Variants in HELQ observed in about 807,000 individuals in gnomAD.
The protein encoded by HELQ is helicase POLQ-like.
In HELQ, 77 loss-of-function variants were observed where a neutral mutation model predicts 111.6. The observed-to-expected ratio is 0.69, with a 90% CI of 0.57 to 0.83. HELQ has a LOEUF of 0.83. Among genes scored for constraint, HELQ ranks in the 40% least tolerant of loss-of-function variants. The pLI, the probability that HELQ is intolerant of heterozygous loss-of-function variation, is 0.00. For synonymous variants in HELQ, 438 were observed against 454.7 expected, an observed-to-expected ratio of 0.96 and a Z score of 0.47; for missense variants, 1,200 against 1,288.5, an observed-to-expected ratio of 0.93 and a Z score of 1.05.
Position 83,429,629 on chromosome 4 carries a change from A to T in HELQ, c.2413T>A (p.Tyr805Asn), listed in dbSNP as rs998191467. The T allele has an allele frequency of 1.2e-6, 2 of 1,612,458 alleles. No homozygotes were observed. Among genetic ancestry groups the T allele is most frequent in the African/African-American group, 2.7e-5 (2 of 74,890 alleles). ...TGTAGGAGTCCTTTTTCTGTCAGGT[A>T]TCTAAGTGATTCAACAGTTATTTCC... is the stretch of plus-strand genomic sequence containing the variant. ...LWEITVESLR[Y>N]LTEKGLLQKD... The change falls in exon 12 of 18, where the codon TAC becomes AAC. Residue 805 changes from tyrosine to asparagine, a missense_variant. Transcript: ENST00000295488.
At chr4:83,422,721 AG>A (rs1719606119) in intron 14 of HELQ, among the ~76,000 whole-genome samples, 1 of 152,186 alleles carries the variant, frequency 6.6e-6, no homozygotes, top group East Asian at 1.9e-4. Flanking sequence ...TGTTGTTTTA[AG>A]CCACCCATTT....
Position 83,448,912 on chromosome 4 carries a change from AT to A in HELQ, c.1061del (p.Asn354IlefsTer2). On this transcript the variant is annotated frameshift_variant, in exon 3 of 18. Transcript: ENST00000295488. LOFTEE classifies it high-confidence loss of function. ...CACTTGTTGGCAAGGAATATATTAA[AT>A]TTTTTCTTTCTTGCACAGAATTCAA... ...LTLNSVQERK[N>X]LIYSLPTSGG... is the part of the protein sequence containing the mutation. The A allele has an allele frequency of 6.2e-7, 1 of 1,612,094 alleles. No homozygotes were observed. The highest frequency in any genetic ancestry group is 8.5e-7 in the Non-Finnish European group (1 of 1,178,632).
intron 8 of HELQ, among the ~76,000 whole-genome samples, chr4:83,438,748 GAAAAAAA>G (rs200715200): frequency 1.9e-5 from 2 of 104,284 alleles, no homozygotes; most frequent in African/African-American, 9.2e-5. Context: ...CCTGTCTCAG[GAAAAAAA>G]AAAAAAAAAA....
intron 6 of HELQ, among the ~76,000 whole-genome samples, chr4:83,442,982 C>T (rs982076595): frequency 4.6e-5 from 7 of 152,156 alleles, no homozygotes; most frequent in African/African-American, 1.7e-4. Context: ...ATATACATTA[C>T]AAGCTATTTT....
At chr4:83,430,282 A>C (rs1050016272) in intron 11 of HELQ, among the ~76,000 whole-genome samples, 2 of 149,760 alleles carry the variant, frequency 1.3e-5, no homozygotes, top group Admixed American at 6.8e-5. Context: ...AATAAAAAAA[A>C]AACAAAAAAC....
chr4:83,436,747 G>A, intron 9 of HELQ, 111 bp downstream of exon 9: 1 of 1,146,386 alleles, frequency 8.7e-7, no homozygotes, highest in South Asian at 1.6e-5. Context: ...TATGCTAAAA[G>A]AACATTTGAT....
At chr4:83,412,809 G>A (rs1560538335) in intron 17 of HELQ, among the ~76,000 whole-genome samples, 1 of 152,158 alleles carries the variant, frequency 6.6e-6, no homozygotes, top group African/African-American at 2.4e-5. Context: ...GGGCAACAGA[G>A]CAAGACCCTG....
At chr4:83,453,209 T>G (rs1003854638) in intron 2 of HELQ, 22 bp downstream of exon 2, 6 of 1,521,062 alleles carry the variant, frequency 3.9e-6, no homozygotes, top group Non-Finnish European at 5.4e-6. Flanking sequence ...AAAAATTTTT[T>G]TATTCCAGCA....
At position 83,436,855 on chromosome 4, in the gene HELQ, T is replaced by C. The variant is rs367794092; in HGVS notation, c.2048+3A>G. The C allele has an allele frequency of 6.1e-5, 99 of 1,611,228 alleles. 1 individual carries two copies. The highest frequency in any genetic ancestry group is 2.4e-4 in the South Asian group (22 of 90,602). On this transcript the variant is annotated splice_donor_region_variant and intron_variant, in intron 9 of 17. Coordinates refer to ENST00000295488, the MANE Select transcript of HELQ (RefSeq NM_133636.5). ...GCCTGGTCAACACTTACTTATCTCT[T>C]ACCTTCGAGCTGGTAGGTTGACACC... is the stretch of plus-strand genomic sequence containing the variant.
intron 2 of HELQ, among the ~76,000 whole-genome samples, chr4:83,450,891 G>A (rs1435256322): frequency 2.6e-5 from 4 of 152,160 alleles, no homozygotes; most frequent in African/African-American, 9.7e-5. Context: ...GCTTGAGCCT[G>A]GGAGGTTGAC....
In HELQ at chr4:83,442,471, C is replaced by T. The variant is rs553468433; in HGVS notation, c.1563+1046G>A. Among the ~76,000 whole-genome samples the T allele has an allele frequency of 9.9e-5, 15 of 151,560 alleles. No homozygotes were observed. The South Asian group carries it at 1.5e-3, about 15-fold the overall frequency. ...CTCTTGCAAGGCTGGAGTGCAGTGG[C>T]GCAATCTCGGCTTGCTGCAACCTTC... On this transcript the variant is annotated intron_variant, in intron 6 of 17. Coordinates refer to ENST00000295488, the MANE Select transcript of HELQ (RefSeq NM_133636.5).
intron 1 of HELQ, among the ~76,000 whole-genome samples, 187 bp from the exon 2 acceptor site, chr4:83,454,132 A>G (rs74348240): frequency 0.064 from 9,668 of 152,220 alleles, 452 homozygotes; most frequent in South Asian, 0.12. Flanking sequence ...GAACCTGGGA[A>G]GCGCAGGTTG....
At chr4:83,417,963 T>G (rs1739452264) in intron 16 of HELQ, 130 bp downstream of exon 16, 1 of 503,486 alleles carries the variant, frequency 2.0e-6, no homozygotes, top group South Asian at 5.0e-5. Context: ...AAATAAAAGA[T>G]TCCCATGACA....
In HELQ at chr4:83,427,621, G is replaced by A; in HGVS notation, c.2618C>T (p.Thr873Ile). Residue 873 changes from threonine to isoleucine, a missense_variant, in exon 13 of 18, where the codon ACA becomes ATA. This residue lies in a region of HELQ where 585 missense variants were observed against 665.3 expected (regional missense o/e 0.88). Coordinates refer to ENST00000295488, the MANE Select transcript of HELQ (RefSeq NM_133636.5). ...LESLLHLIYL[T>I]TPYDLVSQCN... ...CTGTGAAACCAGATCATAGGGGGTT[G>A]TTAGGTAGATTAGATGAAGAAGGCT... is the stretch of plus-strand genomic sequence containing the variant. The A allele has an allele frequency of 1.2e-6, 2 of 1,606,490 alleles. No individual in the cohort carries two copies. Among genetic ancestry groups the A allele is most frequent in the Non-Finnish European group, 1.7e-6 (2 of 1,176,740 alleles).
intron 9 of HELQ, among the ~76,000 whole-genome samples, chr4:83,434,830 G>A (rs886783259): frequency 2.0e-5 from 3 of 152,118 alleles, no homozygotes; most frequent in African/African-American, 4.8e-5. Flanking sequence ...TCTGAAAAAT[G>A]TGTAAGAAAA....
At chr4:83,408,141 C>T (rs191910448) in intron 17 of HELQ, among the ~76,000 whole-genome samples, 21 of 152,242 alleles carry the variant, frequency 1.4e-4, no homozygotes, top group African/African-American at 4.8e-4. Context: ...AAGTAAACTA[C>T]ACAAAACCCT....
chr4:83,420,602 T>A (rs779275578), intron 15 of HELQ, among the ~76,000 whole-genome samples: 23 of 152,130 alleles, frequency 1.5e-4, no homozygotes, highest in Non-Finnish European at 2.6e-4. Context: ...CTGGCCAATA[T>A]GGTGAAACCC....
chr4:83,416,394 A>AT (rs1407789421), intron 17 of HELQ, among the ~76,000 whole-genome samples: 1 of 148,808 alleles, frequency 6.7e-6, no homozygotes, highest in Non-Finnish European at 1.5e-5. Context: ...TAGTTTTTAA[A>AT]TTTTTTTGCA....
chr4:83,419,089 GCC>G (rs1369175578), intron 15 of HELQ, among the ~76,000 whole-genome samples: 2 of 148,964 alleles, frequency 1.3e-5, no homozygotes, highest in Non-Finnish European at 2.9e-5. Context: ...TGGCCCACAG[GCC>G]ACATGCGGCC....
Sources: allele counts gnomAD v4.1 joint callset (sites outside exome capture counted in the v4.1 genomes callset), GRCh38; gene constraint gnomAD v4.1.1; regional missense constraint gnomAD v4.1.1; transcripts MANE v1.5; gene names NCBI Gene and HGNC (gene_info 2026-07-23, HGNC 2026-07-21).